The following NAA30 variants were observed in gnomAD, a reference collection of about 807,000 sequenced individuals.
The protein encoded by NAA30 is N-alpha-acetyltransferase 30.
Under a neutral mutation model 31.4 loss-of-function variants are expected in NAA30, and 5 were observed. That is an observed-to-expected ratio of 0.16 (90% CI 0.08 to 0.33). NAA30 has a LOEUF of 0.33. Ranked by LOEUF, NAA30 falls within the 10% of genes least tolerant of loss-of-function variation. NAA30 has a pLI of 1.00. For missense variants in NAA30, 428 were observed against 490.8 expected, an observed-to-expected ratio of 0.87 and a Z score of 1.21; for synonymous variants, 222 against 207.1, an observed-to-expected ratio of 1.07 and a Z score of -0.62.
At position 57,414,342 on chromosome 14, in the gene NAA30, C is replaced by G. The variant is rs1319536290; in HGVS notation, c.*4826C>G. ...CAGTGTTTGACCACTTTCCACCCCA[C>G]CAACCACTGCCCTTGTTATGTAGCC... On this transcript the variant is annotated 3_prime_UTR_variant, in exon 5 of 5. Transcript: ENST00000556492. The G allele has an allele frequency of 6.6e-6, 1 of 152,238 alleles. No homozygotes were observed. Among genetic ancestry groups the G allele is most frequent in the Non-Finnish European group, 1.5e-5 (1 of 68,050 alleles). The allele number at this position is 152,238 out of a possible 1,614,324, so 9.4% of individuals were successfully genotyped here. A position where few individuals can be genotyped will look rare whatever the true frequency, so the allele number is the denominator to read the frequency against.
intron 2 of NAA30, among the ~76,000 whole-genome samples, chr14:57,396,359 G>T (rs2066450432): frequency 6.6e-6 from 1 of 151,958 alleles, no homozygotes; most frequent in South Asian, 2.1e-4. Flanking sequence ...CTAATGAATA[G>T]ACTTTTTCTT....
At chr14:57,393,829 C>T (rs4901779) in intron 2 of NAA30, among the ~76,000 whole-genome samples, 1 of 151,910 alleles carries the variant, frequency 6.6e-6, no homozygotes, top group Non-Finnish European at 1.5e-5. Flanking sequence ...AAGCTAGAAC[C>T]CAGTTCTCCT....
At chr14:57,399,707 C>T (rs1383081603) in intron 3 of NAA30, 121 bp from the exon 4 acceptor site, 5 of 667,928 alleles carry the variant, frequency 7.5e-6, no homozygotes, top group African/African-American at 1.9e-5. Context: ...TGAGGTAATC[C>T]GTGTATCTGG....
intron 2 of NAA30, among the ~76,000 whole-genome samples, chr14:57,394,753 A>G (rs1193032513): frequency 6.6e-6 from 1 of 152,176 alleles, no homozygotes; most frequent in Admixed American, 6.5e-5. Flanking sequence ...GATTTGTTTG[A>G]AATTCCTGTT....
Position 57,391,307 on chromosome 14 carries a change from C to A in NAA30, c.350C>A (p.Thr117Asn). The A allele has an allele frequency of 6.2e-7, 1 of 1,611,078 alleles. No homozygotes were observed. The highest frequency in any genetic ancestry group is 8.5e-7 in the Non-Finnish European group (1 of 1,179,142). Residue 117 changes from threonine (T) to asparagine (N), a missense_variant, in exon 2 of 5, where the codon ACC becomes AAC. Around this residue, in one of 2 missense-constraint regions of NAA30, gnomAD observed 349 missense variants for 310.4 expected, o/e 1.12. Transcript: ENST00000556492. The surrounding 1 kb of genome is among the most constrained non-coding windows in gnomAD (Gnocchi z 4.1). ...GCAGAGGTGGCCGCGACCACAGCCA[C>A]CCCTGACGGAGGCCCCAGAGCGACT... is the stretch of plus-strand genomic sequence containing the variant. ...SVAEVAATTATPDGGPRATAT... is the reference protein window; with the variant it reads ...SVAEVAATTANPDGGPRATAT...
chr14:57,395,450 T>C (rs555744952), intron 2 of NAA30, among the ~76,000 whole-genome samples: 5 of 152,354 alleles, frequency 3.3e-5, no homozygotes, highest in South Asian at 4.1e-4. Flanking sequence ...TAGTTTCTTC[T>C]GGAAAGTTAA....
Position 57,390,591 on chromosome 14 carries a change from G to A in NAA30, c.-116G>A, listed in dbSNP as rs1705226150. The A allele has an allele frequency of 1.1e-5, 3 of 277,954 alleles. No homozygotes were observed. The South Asian group carries it at 3.9e-4, about 36-fold the overall frequency. 17.2% of individuals were successfully genotyped at this position (277,954 alleles called of 1,614,324 possible). A position where few individuals can be genotyped will look rare whatever the true frequency, so the allele number is the denominator to read the frequency against. ...CCTAACAGCTGAGGCGCTTTACGGC[G>A]ACGGCGGCTGAGTGAGAACCTTGGC... On this transcript the variant is annotated 5_prime_UTR_variant, in exon 1 of 5. Coordinates refer to ENST00000556492, the MANE Select transcript of NAA30 (RefSeq NM_001011713.3).
intron 2 of NAA30, among the ~76,000 whole-genome samples, chr14:57,395,620 G>T (rs1374536999): frequency 6.6e-6 from 1 of 152,146 alleles, no homozygotes; most frequent in Non-Finnish European, 1.5e-5. Flanking sequence ...TAATGAAAAT[G>T]GGGGATGATT....
rs905886784 is a variant in NAA30 at position 57,412,876 on chromosome 14, G to A, written c.*3360G>A. On this transcript the variant is annotated 3_prime_UTR_variant, in exon 5 of 5. Transcript: ENST00000556492. Reference sequence around the variant, plus strand: ...TTCCTGCCTTTCATCTAAGAGTTACGGGGAAGAAGTATTACATAATTGTCA... The same window carrying A: ...TTCCTGCCTTTCATCTAAGAGTTACAGGGAAGAAGTATTACATAATTGTCA... 5.9e-5 allele frequency: 9 copies of A among 152,094 alleles called. No homozygotes were observed. The highest frequency in any genetic ancestry group is 1.9e-4 in the African/African-American group (8 of 41,402). The allele number at this position is 152,094 out of a possible 1,614,324, so 9.4% of individuals were successfully genotyped here.
Position 57,391,444 on chromosome 14 carries a change from G to A in NAA30, c.487G>A (p.Ala163Thr). The A allele has an allele frequency of 4.4e-6, 7 of 1,607,932 alleles. No individual in the cohort carries two copies. Among genetic ancestry groups the A allele is most frequent in the Non-Finnish European group, 5.9e-6 (7 of 1,177,404 alleles). ...GGAGGCAGCGGCGGCGAGCGATCCC[G>A]CGGCGGCCCGCAATGGACTGGCCGA... The part of the protein sequence containing the change: ...PVEAAAASDP[A>T]AARNGLAEGT... The change falls in exon 2 of 5, where the codon GCG (alanine) becomes ACG (threonine). Residue 163 changes from alanine (A) to threonine (T), a missense_variant. By Grantham distance (58) the Ala-to-Thr change is moderately conservative. Coordinates refer to ENST00000556492, the MANE Select transcript of NAA30 (RefSeq NM_001011713.3). This position sits in a 1 kb window ranked among gnomAD's most constrained non-coding sequence, Gnocchi z 4.1.
intron 4 of NAA30, 106 bp from the exon 5 acceptor site, chr14:57,409,273 T>C: frequency 3.4e-6 from 3 of 879,842 alleles, no homozygotes; most frequent in Non-Finnish European, 5.1e-6. Context: ...TTGTTTTCAC[T>C]ATCAATTTTT....
At chr14:57,406,980 C>A (rs1016824255) in intron 4 of NAA30, among the ~76,000 whole-genome samples, 117 of 152,130 alleles carry the variant, frequency 7.7e-4, no homozygotes, top group African/African-American at 2.6e-3. Context: ...GCAGCCTCAA[C>A]CCCCTCGGCT....
At position 57,391,415 on chromosome 14, in the gene NAA30, C is replaced by T. The variant is rs1225085504; in HGVS notation, c.458C>T (p.Pro153Leu). ...AATGCAAGAACTGCGGTCCCCAGCC[C>T]GGTGGAGGCAGCGGCGGCGAGCGAT... Reference protein sequence around the residue: ...SSNARTAVPSPVEAAAASDPA... With the variant: ...SSNARTAVPSLVEAAAASDPA... The change falls in exon 2 of 5, where the codon CCG becomes CTG. Residue 153 changes from proline to leucine, a missense_variant. This residue lies in a region of NAA30 where 349 missense variants were observed against 310.4 expected (regional missense o/e 1.12). Coordinates refer to ENST00000556492, the MANE Select transcript of NAA30 (RefSeq NM_001011713.3). The surrounding 1 kb of genome is among the most constrained non-coding windows in gnomAD (Gnocchi z 4.1). 1.4e-5 allele frequency: 22 copies of T among 1,607,462 alleles called. No individual in the cohort carries two copies. The highest frequency in any genetic ancestry group is 1.9e-5 in the Non-Finnish European group (22 of 1,177,062).
At chr14:57,409,084 C>T (rs1014329207) in intron 4 of NAA30, among the ~76,000 whole-genome samples, 2 of 152,022 alleles carry the variant, frequency 1.3e-5, no homozygotes, top group African/African-American at 4.8e-5. Flanking sequence ...TTTACCTTTC[C>T]CCACAGGGAA....
chr14:57,395,857 T>C (rs1366311754), intron 2 of NAA30, among the ~76,000 whole-genome samples: 2 of 152,234 alleles, frequency 1.3e-5, no homozygotes, highest in Non-Finnish European at 2.9e-5. Context: ...AGCAATACCT[T>C]ATAAACTGTG....
chr14:57,404,809 T>C (rs2066491587), intron 4 of NAA30, among the ~76,000 whole-genome samples: 1 of 152,094 alleles, frequency 6.6e-6, no homozygotes, highest in South Asian at 2.1e-4. Context: ...TCGTGAGACT[T>C]AATTCACTCA....
chr14:57,391,507 G>T lies in NAA30; in HGVS notation c.550G>T (p.Val184Leu), dbSNP rs1288041267. The change falls in exon 2 of 5, where the codon GTG (valine) becomes TTG (leucine). Residue 184 changes from valine to leucine, a missense_variant. This residue lies in a region of NAA30 where 349 missense variants were observed against 310.4 expected (regional missense o/e 1.12). Transcript: ENST00000556492. The surrounding 1 kb of genome is among the most constrained non-coding windows in gnomAD (Gnocchi z 4.1). ...EQEEEEEDEQ[V>L]RLLSSSLTAD... ...GGAGGAGGAGGAGGAAGACGAGCAG[G>T]TGCGGCTGCTGTCTTCGTCCCTGAC... 6.2e-7 allele frequency: 1 copy of T among 1,612,858 alleles called. No homozygotes were observed. Among genetic ancestry groups the T allele is most frequent in the Non-Finnish European group, 8.5e-7 (1 of 1,179,666 alleles).
intron 4 of NAA30, among the ~76,000 whole-genome samples, chr14:57,402,239 C>G (rs2066480305): frequency 6.6e-6 from 1 of 152,272 alleles, no homozygotes; most frequent in Non-Finnish European, 1.5e-5. Flanking sequence ...TTTCTTGATC[C>G]TTCTGGACAG....
In NAA30 at chr14:57,409,944, G is replaced by A. The variant is rs1286060181; in HGVS notation, c.*428G>A. The A allele has an allele frequency of 6.5e-6, 1 of 154,182 alleles. No homozygotes were observed. The highest frequency in any genetic ancestry group is 2.4e-5 in the African/African-American group (1 of 41,490). The allele number at this position is 154,182 out of a possible 1,614,324, so 9.6% of individuals were successfully genotyped here. On this transcript the variant is annotated 3_prime_UTR_variant, in exon 5 of 5. Transcript: ENST00000556492. Reference sequence around the variant, plus strand: ...CCCTAGTTTTCTGAAGTGGGTGAGGGAGACGCTTCAGTTTTAGGTTTTATT... The same window carrying A: ...CCCTAGTTTTCTGAAGTGGGTGAGGAAGACGCTTCAGTTTTAGGTTTTATT...
Sources: allele counts gnomAD v4.1 joint callset (sites outside exome capture counted in the v4.1 genomes callset), GRCh38; gene constraint gnomAD v4.1.1; regional missense constraint gnomAD v4.1.1; non-coding constraint Gnocchi (gnomAD v3.1); transcripts MANE v1.5; gene names NCBI Gene and HGNC (gene_info 2026-07-23, HGNC 2026-07-21).